Variants in RARS2 observed in about 807,000 individuals in gnomAD.
The protein encoded by RARS2 is arginyl-tRNA synthetase 2, mitochondrial.
In RARS2, 67 loss-of-function variants were observed where a neutral mutation model predicts 88.5. That is an observed-to-expected ratio of 0.76 (90% confidence interval 0.62 to 0.93). The LOEUF (loss-of-function observed/expected upper bound fraction) is 0.93, where lower values mean the gene tolerates loss of function less well. Among genes scored for constraint, RARS2 ranks in the 40% least tolerant of loss-of-function variants. RARS2 has a pLI of 0.00. For synonymous variants in RARS2, 239 were observed against 230.3 expected (o/e 1.04, Z -0.34); for missense variants, 664 against 684.2 (o/e 0.97, Z 0.33).
chr6:87,567,489 G>C (rs556263895), intron 2 of RARS2, among the ~76,000 whole-genome samples: 2 of 152,278 alleles, frequency 1.3e-5, no homozygotes, highest in South Asian at 4.1e-4. Flanking sequence ...TCAGATAGTA[G>C]ACAGAAAATA....
In RARS2 at chr6:87,547,857, C is replaced by G. The variant is rs374388878; in HGVS notation, c.451+734G>C. On this transcript the variant is annotated intron_variant, in intron 6 of 19. Transcript: ENST00000369536. ...GTTTCACCATGTTGGCCAGGCTGGTCGCGAACTCCTGACCTTAAATGATCT... is the reference window on the plus strand; with the variant it reads ...GTTTCACCATGTTGGCCAGGCTGGTGGCGAACTCCTGACCTTAAATGATCT... 3.3e-5 allele frequency among the ~76,000 whole-genome samples: 5 copies of G among 152,042 alleles called. No homozygotes were observed. The South Asian group carries it at 6.2e-4, about 19-fold the overall frequency.
At chr6:87,561,916 GA>G (rs1562209670) in intron 4 of RARS2, among the ~76,000 whole-genome samples, 1 of 152,124 alleles carries the variant, frequency 6.6e-6, no homozygotes, top group Non-Finnish European at 1.5e-5. Flanking sequence ...CCTTAAATCA[GA>G]AAAATTCTTT....
intron 5 of RARS2, among the ~76,000 whole-genome samples, chr6:87,550,041 CT>C (rs1435816678): frequency 6.6e-6 from 1 of 152,222 alleles, no homozygotes; most frequent in African/African-American, 2.4e-5. Flanking sequence ...GTTATACACC[CT>C]TAAGGGTACT....
intron 6 of RARS2, among the ~76,000 whole-genome samples, chr6:87,546,198 T>C (rs1374835741): frequency 6.6e-6 from 1 of 152,190 alleles, no homozygotes; most frequent in Non-Finnish European, 1.5e-5. Context: ...CACTTTCCCA[T>C]ACTGCTGATG....
chr6:87,564,055 G>T, intron 3 of RARS2, 75 bp downstream of exon 3: 1 of 1,090,482 alleles, frequency 9.2e-7, no homozygotes, highest in Non-Finnish European at 1.4e-6. Flanking sequence ...TATTATGGCT[G>T]AGATAGCCTG....
chr6:87,584,591 A>T (rs6927654), intron 1 of RARS2: 18,858 of 347,444 alleles, frequency 0.054, 798 homozygotes, highest in African/African-American at 0.15. Context: ...CAAATAGTGA[A>T]GCTAGAATTC....
At chr6:87,561,223 A>G (rs953367229) in intron 4 of RARS2, among the ~76,000 whole-genome samples, 6 of 152,228 alleles carry the variant, frequency 3.9e-5, no homozygotes, top group Non-Finnish European at 8.8e-5. Flanking sequence ...AAAGACATGC[A>G]TATCAAACAT....
chr6:87,519,204 G>GTGTGTGTT, intron 14 of RARS2: 1 of 272,066 alleles, frequency 3.7e-6, no homozygotes, highest in Non-Finnish European at 6.9e-6. Context: ...GTGTGTGTGT[G>GTGTGTGTT]TGTGTATATA....
chr6:87,517,227 G>A (rs959477043), intron 17 of RARS2, among the ~76,000 whole-genome samples: 1 of 152,084 alleles, frequency 6.6e-6, no homozygotes, highest in Non-Finnish European at 1.5e-5. Flanking sequence ...TCAGTGAGCC[G>A]AGATCCAGCC....
intron 4 of RARS2, among the ~76,000 whole-genome samples, chr6:87,556,478 C>A (rs1311008367): frequency 6.6e-6 from 1 of 151,920 alleles, no homozygotes; most frequent in African/African-American, 2.4e-5. Flanking sequence ...GCTACCACAC[C>A]CAGCTAATTA....
At chr6:87,549,540 T>C (rs1783718927) in intron 5 of RARS2, among the ~76,000 whole-genome samples, 2 of 150,268 alleles carry the variant, frequency 1.3e-5, no homozygotes, top group South Asian at 4.2e-4. Flanking sequence ...AGTAAGATTC[T>C]GTCTGTAAAA....
intron 1 of RARS2, among the ~76,000 whole-genome samples, chr6:87,580,845 G>A (rs957099163): frequency 2.6e-5 from 4 of 151,978 alleles, no homozygotes; most frequent in Admixed American, 2.0e-4. Flanking sequence ...GCCAGATCTC[G>A]TTTGAGAACC....
intron 8 of RARS2, among the ~76,000 whole-genome samples, chr6:87,536,292 C>T (rs1779150844): frequency 6.6e-6 from 1 of 152,068 alleles, no homozygotes; most frequent in African/African-American, 2.4e-5. Context: ...TAAATGATGA[C>T]ACCCTCATAT....
At chr6:87,571,499 T>C (rs1303127540) in intron 1 of RARS2, among the ~76,000 whole-genome samples, 1 of 152,118 alleles carries the variant, frequency 6.6e-6, no homozygotes, top group Non-Finnish European at 1.5e-5. Context: ...GCATAGCCAG[T>C]ATAAATTTAC....
chr6:87,520,844 T>C (rs1377345684), intron 12 of RARS2, among the ~76,000 whole-genome samples: 5 of 152,070 alleles, frequency 3.3e-5, no homozygotes, highest in Admixed American at 6.5e-5. Context: ...GGGGTTAGGA[T>C]TGGGTGAAGG....
chr6:87,530,105 C>T (rs1776987694), intron 9 of RARS2, among the ~76,000 whole-genome samples: 1 of 152,136 alleles, frequency 6.6e-6, no homozygotes, highest in South Asian at 2.1e-4. Context: ...TGGTTGGTGG[C>T]TACTTAAGGA....
At chr6:87,567,643 T>A (rs1369177530) in intron 2 of RARS2, among the ~76,000 whole-genome samples, 1 of 152,246 alleles carries the variant, frequency 6.6e-6, no homozygotes, top group Admixed American at 6.5e-5. Context: ...CTTAGTTACA[T>A]ACTGTAAAGG....
chr6:87,587,207 C>A (rs1775432936), intron 1 of RARS2, among the ~76,000 whole-genome samples: 2 of 152,174 alleles, frequency 1.3e-5, no homozygotes, highest in Non-Finnish European at 2.9e-5. Context: ...ATCTGGAATT[C>A]TCCAATGAAC....
intron 5 of RARS2, among the ~76,000 whole-genome samples, chr6:87,554,683 G>A (rs1190444254): frequency 2.6e-5 from 4 of 151,982 alleles, no homozygotes; most frequent in Non-Finnish European, 1.5e-5. Context: ...CGAACTCTTG[G>A]CCTCAAGTGA....
Sources: allele counts gnomAD v4.1 joint callset (sites outside exome capture counted in the v4.1 genomes callset), GRCh38; gene constraint gnomAD v4.1.1; transcripts MANE v1.5; gene names NCBI Gene and HGNC (gene_info 2026-07-23, HGNC 2026-07-21).